Variants in ATXN10 observed in about 807,000 individuals in gnomAD.
ATXN10 encodes the protein ataxin 10, also known as ataxin-10.
Under a neutral mutation model 52.9 loss-of-function variants are expected in ATXN10, and 28 were observed. The observed-to-expected ratio is 0.53, with a 90% CI of 0.39 to 0.73. The LOEUF (loss-of-function observed/expected upper bound fraction) is 0.73, where lower values mean the gene tolerates loss of function less well. ATXN10 is among the 30% of genes least tolerant of loss of function. The probability of loss-of-function intolerance (pLI) is 0.00; values close to 1 mark genes in which losing one functional copy is unlikely to be tolerated. For missense variants in ATXN10, 565 were observed against 577.0 expected (o/e 0.98, Z 0.21); for synonymous variants, 226 against 221.5 (o/e 1.02, Z -0.18).
At position 45,842,934 on chromosome 22, in the gene ATXN10, T is replaced by A. The variant is rs1929393506; in HGVS notation, c.1238-57T>A. ...CCTCTACTCCTTTTCTGATAATTCT[T>A]ATGTGAAGTTATCAAACAGGAAAGT... On this transcript the variant is annotated intron_variant, in intron 10 of 11. Transcript: ENST00000252934. The surrounding 1 kb of genome is among the most constrained non-coding windows in gnomAD (Gnocchi z 4.8). 4 of 1,545,500 alleles carry A rather than the reference T, an allele frequency of 2.6e-6. No individual in the cohort carries two copies. The South Asian group carries it at 3.4e-5, about 13-fold the overall frequency.
rs924960909 is a variant in ATXN10, at chr22:45,789,674, G to T, written c.1174-17285G>T. Among the ~76,000 whole-genome samples the T allele has an allele frequency of 1.3e-5, 2 of 152,160 alleles. No homozygotes were observed. The highest frequency in any genetic ancestry group is 2.9e-5 in the Non-Finnish European group (2 of 68,032). On this transcript the variant is annotated intron_variant, in intron 9 of 11. Transcript: ENST00000252934. The surrounding 1 kb of genome is among the most constrained non-coding windows in gnomAD (Gnocchi z 4.0). ...TTCTAACCCATCCAGCCCCTTTGTG[G>T]TGGTGGTGGTGGTGCACTGATGTGT...
chr22:45,723,218 G>A (rs1018304772), intron 6 of ATXN10, among the ~76,000 whole-genome samples: 2 of 151,798 alleles, frequency 1.3e-5, no homozygotes, highest in African/African-American at 4.8e-5. Flanking sequence ...ATATAGATAG[G>A]TATATCTATA....
In ATXN10 at chr22:45,695,140, C is replaced by A. The variant is rs192224044; in HGVS notation, c.391+2062C>A. Among the ~76,000 whole-genome samples, 444 of 151,190 alleles carry A rather than the reference C, an allele frequency of 2.9e-3. 2 individuals carry two copies. Among genetic ancestry groups the A allele is most frequent in the South Asian group, 8.8e-3 (42 of 4,772 alleles). ...GGTCAGGAGATCTACCTGGCTAACA[C>A]GGTGAAACCCCGTCTCTAGTAAAAA... is the stretch of plus-strand genomic sequence containing the variant. On this transcript the variant is annotated intron_variant, in intron 3 of 11. Transcript: ENST00000252934.
Position 45,688,114 on chromosome 22 carries a change from A to G in ATXN10, c.117-1598A>G, listed in dbSNP as rs993276200. Among the ~76,000 whole-genome samples, 1 of 152,164 alleles carries G rather than the reference A, an allele frequency of 6.6e-6. No individual in the cohort carries two copies. Among genetic ancestry groups the G allele is most frequent in the African/African-American group, 2.4e-5 (1 of 41,448 alleles). On this transcript the variant is annotated intron_variant, in intron 1 of 11. Coordinates refer to ENST00000252934, the MANE Select transcript of ATXN10 (RefSeq NM_013236.4). The surrounding 1 kb of genome is among the most constrained non-coding windows in gnomAD (Gnocchi z 4.0). ...TTCTTCTTACGGCAATGCTGTCACTAAAAAATGGCTTATGTACTTGTTTCA... is the reference window on the plus strand; with the variant it reads ...TTCTTCTTACGGCAATGCTGTCACTGAAAAATGGCTTATGTACTTGTTTCA...
intron 1 of ATXN10, among the ~76,000 whole-genome samples, chr22:45,682,205 C>A (rs1340736147): frequency 6.6e-6 from 1 of 152,196 alleles, no homozygotes; most frequent in Non-Finnish European, 1.5e-5. Flanking sequence ...AGAACTCAGT[C>A]CTCAGACCTC....
chr22:45,817,567 C>T (rs1311864196), intron 10 of ATXN10, among the ~76,000 whole-genome samples: 1 of 152,080 alleles, frequency 6.6e-6, no homozygotes, highest in Admixed American at 6.5e-5. Context: ...TCAAGTGATC[C>T]CCCTGCCTTG....
Position 45,750,953 on chromosome 22 carries a change from CAG to C in ATXN10, c.1173+10418_1173+10419del, listed in dbSNP as rs1267869793. 2.0e-5 allele frequency among the ~76,000 whole-genome samples: 3 copies of C among 150,832 alleles called. No individual in the cohort carries two copies. Among genetic ancestry groups the C allele is most frequent in the Non-Finnish European group, 4.4e-5 (3 of 67,786 alleles). The stretch of plus-strand genomic sequence containing the variant: ...TCTACTTTCCTGTTTTTTTTTGAGA[CAG>C]AGTCTTGCTTTGTTGCCCAGGCTGG... On this transcript the variant is annotated intron_variant, in intron 9 of 11. Coordinates refer to ENST00000252934, the MANE Select transcript of ATXN10 (RefSeq NM_013236.4). This position sits in a 1 kb window ranked among gnomAD's most constrained non-coding sequence, Gnocchi z 4.2.
Position 45,819,556 on chromosome 22 carries a change from C to T in ATXN10, c.1237+12534C>T, listed in dbSNP as rs1221793837. 6.6e-6 allele frequency among the ~76,000 whole-genome samples: 1 copy of T among 152,172 alleles called. No individual in the cohort carries two copies. The highest frequency in any genetic ancestry group is 1.5e-5 in the Non-Finnish European group (1 of 68,042). On this transcript the variant is annotated intron_variant, in intron 10 of 11. Coordinates refer to ENST00000252934, the MANE Select transcript of ATXN10 (RefSeq NM_013236.4). The surrounding 1 kb of genome is among the most constrained non-coding windows in gnomAD (Gnocchi z 4.5). ...CGTATTCATTGTAGTTGACTCAGAACCACTAGGGCACTTCTGTGATCACAG... is the reference window on the plus strand; with the variant it reads ...CGTATTCATTGTAGTTGACTCAGAATCACTAGGGCACTTCTGTGATCACAG...
At position 45,840,485 on chromosome 22, in the gene ATXN10, G is replaced by A. The variant is rs1929311084; in HGVS notation, c.1238-2506G>A. On this transcript the variant is annotated intron_variant, in intron 10 of 11. Coordinates refer to ENST00000252934, the MANE Select transcript of ATXN10 (RefSeq NM_013236.4). This position sits in a 1 kb window ranked among gnomAD's most constrained non-coding sequence, Gnocchi z 5.8. ...GTGCCCCATGAGAAAGGAAGCAGCA[G>A]TGAGGGAAGCACATCCCAGGTCAGG... 6.6e-6 allele frequency among the ~76,000 whole-genome samples: 1 copy of A among 152,214 alleles called. No homozygotes were observed. The highest frequency in any genetic ancestry group is 2.4e-5 in the African/African-American group (1 of 41,458).
chr22:45,684,536 T>C lies in ATXN10; in HGVS notation c.117-5176T>C, dbSNP rs1262093745. Among the ~76,000 whole-genome samples the C allele has an allele frequency of 1.3e-5, 2 of 152,186 alleles. No homozygotes were observed. Among genetic ancestry groups the C allele is most frequent in the Non-Finnish European group, 2.9e-5 (2 of 68,034 alleles). On this transcript the variant is annotated intron_variant, in intron 1 of 11. Coordinates refer to ENST00000252934, the MANE Select transcript of ATXN10 (RefSeq NM_013236.4). This position sits in a 1 kb window ranked among gnomAD's most constrained non-coding sequence, Gnocchi z 4.1. Reference sequence around the variant, plus strand: ...CATGAAAATTATATGAATTTAAATTTTAGTTTCCACAAACAGTTTCATTAG... The same window carrying C: ...CATGAAAATTATATGAATTTAAATTCTAGTTTCCACAAACAGTTTCATTAG...
chr22:45,785,710 C>T (rs1394417637), intron 9 of ATXN10, among the ~76,000 whole-genome samples: 3 of 152,228 alleles, frequency 2.0e-5, no homozygotes, highest in Non-Finnish European at 2.9e-5. Context: ...GGTCCTGTCC[C>T]TGCCTTCTTG....
chr22:45,686,023 G>A (rs945681414), intron 1 of ATXN10, among the ~76,000 whole-genome samples: 1 of 152,222 alleles, frequency 6.6e-6, no homozygotes, highest in African/African-American at 2.4e-5. Context: ...ATATCTATAT[G>A]ATATTCACAT....
At chr22:45,714,950 A>G (rs1184385403) in intron 5 of ATXN10, among the ~76,000 whole-genome samples, 1 of 152,154 alleles carries the variant, frequency 6.6e-6, no homozygotes, top group Admixed American at 6.5e-5. Context: ...GTCATGGCTG[A>G]GACCTGTCTT....
chr22:45,697,192 T>C (rs1315665810), intron 3 of ATXN10, among the ~76,000 whole-genome samples: 1 of 152,116 alleles, frequency 6.6e-6, no homozygotes, highest in Non-Finnish European at 1.5e-5. Context: ...TGGAGTGCAG[T>C]GGCACAATCT....
intron 9 of ATXN10, among the ~76,000 whole-genome samples, chr22:45,791,369 C>G (rs186540713): frequency 1.6e-4 from 24 of 151,966 alleles, no homozygotes; most frequent in Admixed American, 5.2e-4. Flanking sequence ...AGACAGTATC[C>G]TTGTGTTTTT....
Position 45,775,253 on chromosome 22 carries a change from A to G in ATXN10, c.1174-31706A>G, listed in dbSNP as rs775312837. 2.6e-5 allele frequency among the ~76,000 whole-genome samples: 4 copies of G among 152,160 alleles called. No individual in the cohort carries two copies. Among genetic ancestry groups the G allele is most frequent in the Non-Finnish European group, 4.4e-5 (3 of 68,014 alleles). On this transcript the variant is annotated intron_variant, in intron 9 of 11. Coordinates refer to ENST00000252934, the MANE Select transcript of ATXN10 (RefSeq NM_013236.4). The surrounding 1 kb of genome is among the most constrained non-coding windows in gnomAD (Gnocchi z 4.7). ...GGAGGGCTGGACATAACAGGAGGCT[A>G]CTGGTCCTGGGCATGGGGCTGTGTC...
At chr22:45,752,712 A>G (rs1273543809) in intron 9 of ATXN10, among the ~76,000 whole-genome samples, 1 of 151,028 alleles carries the variant, frequency 6.6e-6, no homozygotes, top group Non-Finnish European at 1.5e-5. Flanking sequence ...ATTTCTGAGG[A>G]TTATTTTGTG....
rs1034557580 is a variant in ATXN10, at chr22:45,757,552, T to C, written c.1173+17014T>C. Among the ~76,000 whole-genome samples the C allele has an allele frequency of 2.0e-5, 3 of 152,156 alleles. No homozygotes were observed. Among genetic ancestry groups the C allele is most frequent in the Admixed American group, 6.5e-5 (1 of 15,282 alleles). On this transcript the variant is annotated intron_variant, in intron 9 of 11. Transcript: ENST00000252934. This position sits in a 1 kb window ranked among gnomAD's most constrained non-coding sequence, Gnocchi z 4.6. Reference sequence around the variant, plus strand: ...GGGAGAAAGAAATGGGTTCTTTCTCTGTATTCTCTAAGATAGATTTGTTCT... The same window carrying C: ...GGGAGAAAGAAATGGGTTCTTTCTCCGTATTCTCTAAGATAGATTTGTTCT...
At position 45,796,083 on chromosome 22, in the gene ATXN10, T is replaced by C. The variant is rs373093422; in HGVS notation, c.1174-10876T>C. On this transcript the variant is annotated intron_variant, in intron 9 of 11. Coordinates refer to ENST00000252934, the MANE Select transcript of ATXN10 (RefSeq NM_013236.4). ...TTTCAGAAAGTGACTAGGAGAAATA[T>C]CGCTGAATTCTTTTCTCAGCAAGGA... 7.9e-5 allele frequency among the ~76,000 whole-genome samples: 12 copies of C among 152,342 alleles called. No individual in the cohort carries two copies. The South Asian group carries it at 1.9e-3, about 24-fold the overall frequency.
Sources: allele counts gnomAD v4.1 joint callset (sites outside exome capture counted in the v4.1 genomes callset), GRCh38; gene constraint gnomAD v4.1.1; non-coding constraint Gnocchi (gnomAD v3.1); transcripts MANE v1.5; gene names NCBI Gene and HGNC (gene_info 2026-07-23, HGNC 2026-07-21).